Variants in MMP26 observed in about 807,000 individuals in gnomAD.
MMP26 encodes the protein matrix metalloproteinase-26.
In MMP26, 33 loss-of-function variants were observed where a neutral mutation model predicts 31.0. The observed-to-expected ratio is 1.06, with a 90% CI of 0.81 to 1.42. The LOEUF is 1.42. Ranked by LOEUF, MMP26 falls within the 40% of genes most tolerant of loss-of-function variation. The pLI, the probability that MMP26 is intolerant of heterozygous loss-of-function variation, is 0.00. For synonymous variants in MMP26, 122 were observed against 114.9 expected (o/e 1.06, Z -0.40); for missense variants, 347 against 316.1 (o/e 1.10, Z -0.74).
intron 2 of MMP26, among the ~76,000 whole-genome samples, chr11:4,795,689 A>C (rs1849096872): frequency 6.6e-6 from 1 of 152,210 alleles, no homozygotes; most frequent in Non-Finnish European, 1.5e-5. Context: ...TTCCACATAA[A>C]AGTCAATTAC....
intron 2 of MMP26, among the ~76,000 whole-genome samples, chr11:4,950,138 A>G (rs1846357626): frequency 8.1e-6 from 1 of 124,212 alleles, no homozygotes; most frequent in Non-Finnish European, 1.8e-5. Flanking sequence ...TTATCAAAAC[A>G]TTAATTTGAG....
chr11:4,986,037 T>A (rs747514642), intron 2 of MMP26, among the ~76,000 whole-genome samples: 2 of 152,174 alleles, frequency 1.3e-5, no homozygotes, highest in Non-Finnish European at 2.9e-5. Context: ...TGCTGTTGAG[T>A]AGTAACCATC....
At chr11:4,834,833 A>C (rs1849693865) in intron 2 of MMP26, among the ~76,000 whole-genome samples, 1 of 152,184 alleles carries the variant, frequency 6.6e-6, no homozygotes, top group East Asian at 1.9e-4. Context: ...TAAAAGCTTT[A>C]AGATCTCAAT....
At chr11:4,960,856 G>A (rs570489007) in intron 2 of MMP26, among the ~76,000 whole-genome samples, 1 of 152,072 alleles carries the variant, frequency 6.6e-6, no homozygotes, top group South Asian at 2.1e-4. Flanking sequence ...ACATATTTTT[G>A]CAAGCATAAA....
At position 4,825,970 on chromosome 11, in the gene MMP26, TA is replaced by T. The variant is rs199924968; in HGVS notation, c.-145+58630del. ...GAGAATTATTAACAAGGAGCTAAAATAGTGGAGAAATTAGCTTGTTAAAGAG... is the reference window on the plus strand; with the variant it reads ...GAGAATTATTAACAAGGAGCTAAAATGTGGAGAAATTAGCTTGTTAAAGAG... On this transcript the variant is annotated intron_variant, in intron 2 of 7. Transcript: ENST00000380390. Among the ~76,000 whole-genome samples, 1,163 of 152,174 alleles carry T rather than the reference TA, an allele frequency of 7.6e-3. 56 individuals are homozygous for T. Among genetic ancestry groups the T allele is most frequent in the Admixed American group, 0.067 (1,026 of 15,272 alleles).
chr11:4,722,470 C>CTTTTTTTTTTTTTTT (rs60627073), intron 1 of MMP26, among the ~76,000 whole-genome samples: 2 of 63,994 alleles, frequency 3.1e-5, no homozygotes, highest in Non-Finnish European at 3.0e-5. Context: ...GAAGTAATTA[C>CTTTTTTTTTTTTTTT]TTTTTTTTTT....
intron 2 of MMP26, among the ~76,000 whole-genome samples, chr11:4,910,071 C>A (rs1850966220): frequency 6.6e-6 from 1 of 152,044 alleles, no homozygotes; most frequent in South Asian, 2.1e-4. Context: ...CTGTAAGCTG[C>A]AGTTCTGACA....
At chr11:4,705,921 T>C (rs1847769649) in intron 1 of MMP26, among the ~76,000 whole-genome samples, 1 of 134,842 alleles carries the variant, frequency 7.4e-6, no homozygotes, top group African/African-American at 2.9e-5. Flanking sequence ...CTGGGAGGAG[T>C]AGGTGATTGT....
chr11:4,769,532 C>T (rs1848683021), intron 2 of MMP26: 1 of 1,613,756 alleles, frequency 6.2e-7, no homozygotes, highest in Middle Eastern at 1.6e-4. Context: ...CAGAGGGTCA[C>T]AGATGGCCAC....
chr11:4,935,634 A>G, intron 2 of MMP26, among the ~76,000 whole-genome samples: 1 of 151,812 alleles, frequency 6.6e-6, no homozygotes, highest in Non-Finnish European at 1.5e-5. Context: ...GTGGTGAGAG[A>G]GGGCATCCCT....
intron 2 of MMP26, among the ~76,000 whole-genome samples, chr11:4,855,840 C>T (rs1174774288): frequency 6.6e-6 from 1 of 152,288 alleles, no homozygotes; most frequent in African/African-American, 2.4e-5. Context: ...GCGTTACCCA[C>T]AAAGGGAAGC....
intron 2 of MMP26, among the ~76,000 whole-genome samples, chr11:4,775,925 T>C (rs533172986): frequency 6.8e-6 from 1 of 146,472 alleles, no homozygotes; most frequent in African/African-American, 2.4e-5. Context: ...TATTAAGTAA[T>C]TTATTATTAT....
intron 2 of MMP26, chr11:4,882,429 C>G: frequency 6.2e-7 from 1 of 1,613,018 alleles, no homozygotes; most frequent in East Asian, 2.2e-5. Context: ...CACGAGCTTT[C>G]CCATCCATTT....
chr11:4,837,572 G>A (rs1849735813), intron 2 of MMP26, among the ~76,000 whole-genome samples: 1 of 151,830 alleles, frequency 6.6e-6, no homozygotes, highest in African/African-American at 2.4e-5. Context: ...CTATTCATGG[G>A]AGAGGAAACA....
At chr11:4,733,045 G>C (rs577053727) in intron 1 of MMP26, among the ~76,000 whole-genome samples, 2 of 152,310 alleles carry the variant, frequency 1.3e-5, no homozygotes, top group East Asian at 3.9e-4. Flanking sequence ...GTACTGTCTG[G>C]ATAACAGCAG....
At chr11:4,932,293 C>T (rs954003670) in intron 2 of MMP26, among the ~76,000 whole-genome samples, 1 of 152,104 alleles carries the variant, frequency 6.6e-6, no homozygotes, top group African/African-American at 2.4e-5. Flanking sequence ...AGAGATGGAA[C>T]GTATTTCTCT....
intron 2 of MMP26, chr11:4,908,067 G>A: frequency 1.2e-6 from 2 of 1,614,128 alleles, no homozygotes; most frequent in Non-Finnish European, 1.7e-6. Context: ...TTGGCAGAGA[G>A]GCTTAAGGCC....
chr11:4,853,557 T>C (rs1850005001), intron 2 of MMP26, among the ~76,000 whole-genome samples: 1 of 152,094 alleles, frequency 6.6e-6, no homozygotes, highest in Admixed American at 6.5e-5. Context: ...TTGAAATTTT[T>C]AAAATCCTAG....
intron 2 of MMP26, among the ~76,000 whole-genome samples, chr11:4,984,888 A>G (rs779391693): frequency 6.6e-6 from 1 of 152,146 alleles, no homozygotes; most frequent in Non-Finnish European, 1.5e-5. Context: ...GAGAGATTTA[A>G]CCTGATTTTT....
Sources: allele counts gnomAD v4.1 joint callset (sites outside exome capture counted in the v4.1 genomes callset), GRCh38; gene constraint gnomAD v4.1.1; transcripts MANE v1.5; gene names NCBI Gene and HGNC (gene_info 2026-07-23, HGNC 2026-07-21).